The following FMO3 variants were observed in gnomAD, a reference collection of about 807,000 sequenced individuals.
FMO3 encodes flavin containing dimethylaniline monoxygenase 3.
Under a neutral mutation model 39.4 loss-of-function variants are expected in FMO3, and 40 were observed. That is an observed-to-expected ratio of 1.02 (90% confidence interval 0.79 to 1.32). The LOEUF is 1.32. Ranked by LOEUF, FMO3 falls within the 40% of genes most tolerant of loss-of-function variation. The pLI is 0.00. For missense variants in FMO3, 680 were observed against 651.8 expected (o/e 1.04, Z -0.47); for synonymous variants, 219 against 228.8 (o/e 0.96, Z 0.39).
Position 171,096,065 on chromosome 1 carries a change from TA to T in FMO3, c.132+3276del, listed in dbSNP as rs1557933312. 1.7e-3 allele frequency among the ~76,000 whole-genome samples: 89 copies of T among 51,060 alleles called. 1 individual carries two copies. The highest frequency in any genetic ancestry group is 3.6e-3 in the African/African-American group (27 of 7,534). 33.5% of individuals were successfully genotyped at this position (51,060 alleles called of 152,430 possible). A position where few individuals can be genotyped will look rare whatever the true frequency, so the allele number is the denominator to read the frequency against. ...TTATATATAAATATATAATATATAT[TA>T]TATATTAATATATAATATATATTAA... On this transcript the variant is annotated intron_variant, in intron 2 of 8. Coordinates refer to ENST00000367755, the MANE Select transcript of FMO3 (RefSeq NM_001002294.3).
rs1016142001 is a variant in FMO3, at chr1:171,090,938, C to T, written c.-50C>T. The T allele has an allele frequency of 3.3e-5, 5 of 152,344 alleles. No homozygotes were observed. The South Asian group carries it at 1.0e-3, about 32-fold the overall frequency. 9.4% of individuals were successfully genotyped at this position (152,344 alleles called of 1,614,324 possible). On this transcript the variant is annotated 5_prime_UTR_variant, in exon 1 of 9. Transcript: ENST00000367755. ...CAGACGGTTGGACAGGACGTAGACA[C>T]ACAGAAGAAAAGAAGACAAAGAACG...
intron 3 of FMO3, 78 bp from the exon 4 acceptor site, chr1:171,107,597 T>C: frequency 8.6e-7 from 1 of 1,166,020 alleles, no homozygotes; most frequent in Non-Finnish European, 1.3e-6. Flanking sequence ...CTTAACCCAC[T>C]TTTCTTTTTT....
Position 171,103,691 on chromosome 1 carries a change from C to G in FMO3, c.133-94C>G, listed in dbSNP as rs147325458. ...GAGGTCCTGGAACCTTCCATAGATACCAAGGGATGACTGTAATTACTTGGA... is the reference window on the plus strand; with the variant it reads ...GAGGTCCTGGAACCTTCCATAGATAGCAAGGGATGACTGTAATTACTTGGA... On this transcript the variant is annotated intron_variant, in intron 2 of 8. Transcript: ENST00000367755. 47 of 1,042,128 alleles carry G rather than the reference C, an allele frequency of 4.5e-5. No individual in the cohort carries two copies. The African/African-American group carries it at 6.3e-4, about 14-fold the overall frequency. 64.6% of individuals were successfully genotyped at this position (1,042,128 alleles called of 1,614,324 possible).
At chr1:171,096,077 T>A (rs1655009220) in intron 2 of FMO3, among the ~76,000 whole-genome samples, 1 of 75,902 alleles carries the variant, frequency 1.3e-5, no homozygotes, top group African/African-American at 6.1e-5. Flanking sequence ...TATATTAATA[T>A]ATAATATATA....
chr1:171,093,043 A>C (rs1262782324), intron 2 of FMO3, among the ~76,000 whole-genome samples: 3 of 152,188 alleles, frequency 2.0e-5, no homozygotes, highest in African/African-American at 7.2e-5. Flanking sequence ...AGCCACTTGG[A>C]CATAAAATTA....
intron 2 of FMO3, among the ~76,000 whole-genome samples, chr1:171,099,269 G>A (rs959435155): frequency 5.9e-5 from 9 of 152,116 alleles, no homozygotes; most frequent in Admixed American, 1.3e-4. Context: ...GAGACAGTTT[G>A]TTATAATTTC....
chr1:171,093,759 C>T (rs1317798550), intron 2 of FMO3, among the ~76,000 whole-genome samples: 1 of 150,676 alleles, frequency 6.6e-6, no homozygotes, highest in Admixed American at 6.7e-5. Flanking sequence ...TGTGAAATCT[C>T]CATACTGTTT....
At chr1:171,108,242 G>T (rs762128477) in intron 5 of FMO3, 21 bp downstream of exon 5, 4 of 1,613,390 alleles carry the variant, frequency 2.5e-6, no homozygotes, top group Non-Finnish European at 3.4e-6. Context: ...CCGGGTACTC[G>T]GGTGACTCTC....
At chr1:171,099,759 CTTTTTTTTTT>C (rs747274398) in intron 2 of FMO3, 1 of 117,612 alleles carries the variant, frequency 8.5e-6, no homozygotes, top group Non-Finnish European at 1.7e-5. Context: ...CCATGTCTTT[CTTTTTTTTTT>C]TTTTTTTTTT....
intron 2 of FMO3, 38 bp downstream of exon 2, chr1:171,092,828 T>C (rs768777318): frequency 6.8e-6 from 11 of 1,610,816 alleles, no homozygotes; most frequent in Non-Finnish European, 9.3e-6. Flanking sequence ...GGAAAATAGG[T>C]TGGGAAGTGT....
chr1:171,096,879 T>A (rs568265728), intron 2 of FMO3, among the ~76,000 whole-genome samples: 2 of 151,134 alleles, frequency 1.3e-5, no homozygotes, highest in Non-Finnish European at 2.9e-5. Flanking sequence ...CATGTTGGTG[T>A]GCGGCACCCA....
At chr1:171,095,918 A>T in intron 2 of FMO3, among the ~76,000 whole-genome samples, 1 of 402 alleles carries the variant, frequency 2.5e-3, no homozygotes, top group East Asian at 0.17. Context: ...ATAAATATAT[A>T]TTTATATAAT....
At chr1:171,104,185 A>G (rs1655537924) in intron 3 of FMO3, among the ~76,000 whole-genome samples, 1 of 152,208 alleles carries the variant, frequency 6.6e-6, no homozygotes, top group Non-Finnish European at 1.5e-5. Flanking sequence ...TCTTAGACTA[A>G]ATCACTACTA....
In FMO3 at chr1:171,107,752, T is replaced by TA; in HGVS notation, c.405dup (p.Glu136ArgfsTer6). On this transcript the variant is annotated frameshift_variant, in exon 4 of 9. Coordinates refer to ENST00000367755, the MANE Select transcript of FMO3 (RefSeq NM_001002294.3). LOFTEE classifies it high-confidence loss of function. ...GGGATGTTACCACTGAAAGGGATGG[T>TA]AAAAAAGAATCGGCTGTCTTTGATG... 6.2e-7 allele frequency: 1 copy of TA among 1,613,790 alleles called. No homozygotes were observed. Among genetic ancestry groups the TA allele is most frequent in the Admixed American group, 1.7e-5 (1 of 59,986 alleles).
intron 2 of FMO3, among the ~76,000 whole-genome samples, chr1:171,095,274 G>C (rs958497767): frequency 6.6e-6 from 1 of 152,104 alleles, no homozygotes; most frequent in African/African-American, 2.4e-5. Flanking sequence ...CTACAAAACT[G>C]AGAATTGCTT....
chr1:171,097,071 G>T (rs1451429018), intron 2 of FMO3, among the ~76,000 whole-genome samples: 2 of 150,430 alleles, frequency 1.3e-5, no homozygotes, highest in African/African-American at 4.9e-5. Flanking sequence ...ATAGTTTGCT[G>T]AGAATGATGG....
intron 6 of FMO3, among the ~76,000 whole-genome samples, chr1:171,112,016 C>T (rs548845668): frequency 6.6e-6 from 1 of 152,160 alleles, no homozygotes; most frequent in South Asian, 2.1e-4. Flanking sequence ...TTTAAGAAAA[C>T]CTCTGAAGGA....
chr1:171,114,220 CA>C lies in FMO3; in HGVS notation c.1043del (p.Asn348MetfsTer19). ...ATGAGTCTATCATCAAAAGCAGAAA[CA>C]ATGAGATCATTTTATTTAAAGGAGT... is the stretch of plus-strand genomic sequence containing the variant. ...LDESIIKSRNNEIILFKGVFP... is the reference protein window; with the variant it reads ...LDESIIKSRNXEIILFKGVFP... On this transcript the variant is annotated frameshift_variant, in exon 7 of 9. Transcript: ENST00000367755. LOFTEE classifies it high-confidence loss of function. 1 of 1,613,970 alleles carries C rather than the reference CA, an allele frequency of 6.2e-7. No individual in the cohort carries two copies. Among genetic ancestry groups the C allele is most frequent in the East Asian group, 2.2e-5 (1 of 44,870 alleles).
At chr1:171,110,228 T>A (rs1326190027) in intron 5 of FMO3, among the ~76,000 whole-genome samples, 3 of 152,162 alleles carry the variant, frequency 2.0e-5, no homozygotes, top group Non-Finnish European at 4.4e-5. Flanking sequence ...TCTTTCCAGA[T>A]AGTAGCAGGC....
Sources: gnomAD v4.1 joint callset for allele counts (sites outside exome capture counted in the v4.1 genomes callset) on GRCh38, gnomAD v4.1.1 for gene constraint, MANE v1.5 for transcripts, NCBI Gene and HGNC (gene_info 2026-07-23, HGNC 2026-07-21) for gene names.